The following KCNC1 variants were observed in gnomAD, a reference collection of about 807,000 sequenced individuals.
KCNC1 encodes the protein potassium voltage-gated channel subfamily C member 1.
In KCNC1, 8 loss-of-function variants were observed where a neutral mutation model predicts 43.4. The observed-to-expected ratio is 0.18, with a 90% CI of 0.11 to 0.33. KCNC1 has a LOEUF of 0.33. Among genes scored for constraint, KCNC1 ranks in the 10% least tolerant of loss-of-function variants. The pLI is 1.00. For synonymous variants in KCNC1, 361 were observed against 360.5 expected (o/e 1.00, Z -0.01); for missense variants, 420 against 836.0 (o/e 0.50, Z 6.14).
chr11:17,749,502 C>T (rs1343349120), intron 1 of KCNC1, among the ~76,000 whole-genome samples: 2 of 152,216 alleles, frequency 1.3e-5, no homozygotes, highest in Non-Finnish European at 2.9e-5. Context: ...ACATGACTTC[C>T]GTGGGCCTCA....
chr11:17,761,234 G>A (rs1010509088), intron 1 of KCNC1, among the ~76,000 whole-genome samples: 2 of 152,338 alleles, frequency 1.3e-5, no homozygotes, highest in East Asian at 1.9e-4. Context: ...CCCTTAACAG[G>A]CAAGTGGTAG....
chr11:17,739,722 G>A lies in KCNC1; in HGVS notation c.570+3150G>A, dbSNP rs992607729. 2.6e-5 allele frequency among the ~76,000 whole-genome samples: 4 copies of A among 151,646 alleles called. No individual in the cohort carries two copies. Among genetic ancestry groups the A allele is most frequent in the African/African-American group, 9.7e-5 (4 of 41,288 alleles). Reference sequence around the variant, plus strand: ...GTGTGTACATGCGTGTACACATAAGGCAGGAGGCTGTGTGGGGTGGGGGTC... The same window carrying A: ...GTGTGTACATGCGTGTACACATAAGACAGGAGGCTGTGTGGGGTGGGGGTC... On this transcript the variant is annotated intron_variant, in intron 1 of 3. Transcript: ENST00000265969. The surrounding 1 kb of genome is among the most constrained non-coding windows in gnomAD (Gnocchi z 4.2).
chr11:17,760,863 C>G (rs888653054), intron 1 of KCNC1, among the ~76,000 whole-genome samples: 2 of 152,222 alleles, frequency 1.3e-5, no homozygotes, highest in East Asian at 1.9e-4. Context: ...TGGGCTGGCA[C>G]GAGGTTTAAA....
In KCNC1 at chr11:17,779,399, C is replaced by T. The variant is rs1232460568; in HGVS notation, c.1505-57C>T. The T allele has an allele frequency of 5.8e-6, 8 of 1,371,046 alleles. No homozygotes were observed. The highest frequency in any genetic ancestry group is 3.0e-5 in the African/African-American group (2 of 66,874). 84.9% of individuals were successfully genotyped at this position (1,371,046 alleles called of 1,614,324 possible). A position where few individuals can be genotyped will look rare whatever the true frequency, so the allele number is the denominator to read the frequency against. Reference sequence around the variant, plus strand: ...TACCCCGCTTCTGGCCTGTCCCCCCCTGCCCCCCACTAAACAGTTTTCAGT... The same window carrying T: ...TACCCCGCTTCTGGCCTGTCCCCCCTTGCCCCCCACTAAACAGTTTTCAGT... On this transcript the variant is annotated intron_variant, in intron 2 of 3. Transcript: ENST00000265969. This position sits in a 1 kb window ranked among gnomAD's most constrained non-coding sequence, Gnocchi z 7.2.
chr11:17,781,827 T>C lies in KCNC1; in HGVS notation c.*93T>C. 1 of 903,696 alleles carries C rather than the reference T, an allele frequency of 1.1e-6. No homozygotes were observed. Among genetic ancestry groups the C allele is most frequent in the Non-Finnish European group, 1.8e-6 (1 of 567,172 alleles). The allele number at this position is 903,696 out of a possible 1,614,324, so 56.0% of individuals were successfully genotyped here. ...CCTCGGACAGAGTAAATTCACGCCA[T>C]GCAGGTTTGCCGGACGAGTCCGAGT... is the stretch of plus-strand genomic sequence containing the variant. On this transcript the variant is annotated 3_prime_UTR_variant, in exon 4 of 4. Coordinates refer to ENST00000265969, the MANE Select transcript of KCNC1 (RefSeq NM_001112741.2). This position sits in a 1 kb window ranked among gnomAD's most constrained non-coding sequence, Gnocchi z 5.1.
intron 1 of KCNC1, among the ~76,000 whole-genome samples, chr11:17,768,917 C>T (rs1849189952): frequency 1.3e-5 from 2 of 152,224 alleles, no homozygotes; most frequent in South Asian, 4.1e-4. Context: ...TGTGTTTTAG[C>T]TCCAAGAGCC....
intron 2 of KCNC1, among the ~76,000 whole-genome samples, chr11:17,778,717 G>A (rs1044059829): frequency 3.5e-4 from 53 of 152,252 alleles, no homozygotes; most frequent in African/African-American, 1.2e-3. Context: ...ATGGGGGGTC[G>A]GGGCATAGAG....
In KCNC1 at chr11:17,736,206, G is replaced by A. The variant is rs1174794886; in HGVS notation, c.204G>A (p.Leu68=). Residue 68 remains leucine, a synonymous_variant, in exon 1 of 4, where the codon CTG becomes CTA. Transcript: ENST00000265969. The surrounding 1 kb of genome is among the most constrained non-coding windows in gnomAD (Gnocchi z 9.3). ...ACCCCGGCGTCTTCGCGCACATCCT[G>A]AACTACTACCGCACGGGCAAGCTGC... The part of the protein sequence containing the change: ...DRHPGVFAHI[L]NYYRTGKLHC... 6.2e-7 allele frequency: 1 copy of A among 1,613,736 alleles called. No individual in the cohort carries two copies. Among genetic ancestry groups the A allele is most frequent in the African/African-American group, 1.3e-5 (1 of 74,930 alleles).
At chr11:17,769,295 G>A (rs1849194472) in intron 1 of KCNC1, among the ~76,000 whole-genome samples, 1 of 152,026 alleles carries the variant, frequency 6.6e-6, no homozygotes, top group African/African-American at 2.4e-5. Flanking sequence ...GTGAGGAATG[G>A]ATGGATGGGT....
At chr11:17,774,598 T>C in intron 2 of KCNC1, 4 of 985,552 alleles carry the variant, frequency 4.1e-6, no homozygotes, top group Non-Finnish European at 4.8e-6. Flanking sequence ...GTAAAACCCA[T>C]GCACTCCTGT....
chr11:17,772,906 G>A, intron 2 of KCNC1: 1 of 1,239,954 alleles, frequency 8.1e-7, no homozygotes, highest in South Asian at 2.6e-5. Flanking sequence ...GAGCCAGGGG[G>A]GCTCTGCTTG....
At chr11:17,755,406 C>A (rs979484832) in intron 1 of KCNC1, among the ~76,000 whole-genome samples, 2 of 152,074 alleles carry the variant, frequency 1.3e-5, no homozygotes, top group African/African-American at 4.8e-5. Context: ...ACAGTCCTAG[C>A]GCACCAGGAA....
chr11:17,771,369 T>A lies in KCNC1; in HGVS notation c.571-296T>A, dbSNP rs1319855347. Among the ~76,000 whole-genome samples, 1 of 152,260 alleles carries A rather than the reference T, an allele frequency of 6.6e-6. No individual in the cohort carries two copies. The highest frequency in any genetic ancestry group is 1.5e-5 in the Non-Finnish European group (1 of 68,048). On this transcript the variant is annotated intron_variant, in intron 1 of 3. Transcript: ENST00000265969. The surrounding 1 kb of genome is among the most constrained non-coding windows in gnomAD (Gnocchi z 4.7). ...TCAATGTGGGTATGTGGCTGATGTC[T>A]TTCTTTTCAGGGACCCAGGCTCCTT... is the stretch of plus-strand genomic sequence containing the variant.
In KCNC1 at chr11:17,739,615, G is replaced by A. The variant is rs1459119229; in HGVS notation, c.570+3043G>A. On this transcript the variant is annotated intron_variant, in intron 1 of 3. Coordinates refer to ENST00000265969, the MANE Select transcript of KCNC1 (RefSeq NM_001112741.2). The surrounding 1 kb of genome is among the most constrained non-coding windows in gnomAD (Gnocchi z 4.2). ...AGAGTCGAGGTGAGTGTGTCTGCGT[G>A]AGTGTGTGGCTGTGTGTGGCAAGTG... is the stretch of plus-strand genomic sequence containing the variant. 1.3e-5 allele frequency among the ~76,000 whole-genome samples: 2 copies of A among 151,356 alleles called. No individual in the cohort carries two copies. Among genetic ancestry groups the A allele is most frequent in the African/African-American group, 2.4e-5 (1 of 41,088 alleles).
intron 1 of KCNC1, among the ~76,000 whole-genome samples, chr11:17,762,281 C>T (rs1849086284): frequency 6.6e-6 from 1 of 152,214 alleles, no homozygotes; most frequent in Admixed American, 6.5e-5. Flanking sequence ...CCCAGCTCAG[C>T]AGTTCCCGTT....
chr11:17,754,533 C>G (rs998384393), intron 1 of KCNC1, among the ~76,000 whole-genome samples: 2 of 152,198 alleles, frequency 1.3e-5, no homozygotes, highest in African/African-American at 4.8e-5. Flanking sequence ...GGGAGTAAAC[C>G]ATTGTGCCCA....
chr11:17,749,601 C>T (rs1225646837), intron 1 of KCNC1, among the ~76,000 whole-genome samples: 1 of 152,238 alleles, frequency 6.6e-6, no homozygotes, highest in Admixed American at 6.5e-5. Context: ...GTTTGATGCT[C>T]AGCCTCAGGG....
Position 17,742,985 on chromosome 11 carries a change from C to T in KCNC1, c.570+6413C>T, listed in dbSNP as rs1044992200. Among the ~76,000 whole-genome samples, 1 of 152,206 alleles carries T rather than the reference C, an allele frequency of 6.6e-6. No individual in the cohort carries two copies. On this transcript the variant is annotated intron_variant, in intron 1 of 3. Coordinates refer to ENST00000265969, the MANE Select transcript of KCNC1 (RefSeq NM_001112741.2). The surrounding 1 kb of genome is among the most constrained non-coding windows in gnomAD (Gnocchi z 4.2). Reference sequence around the variant, plus strand: ...GGCACAGCTGATTGAGACCTTCTCACGTCAGCCAACCCAGACTTGACCCAA... The same window carrying T: ...GGCACAGCTGATTGAGACCTTCTCATGTCAGCCAACCCAGACTTGACCCAA...
chr11:17,755,129 G>T (rs1849010257), intron 1 of KCNC1, among the ~76,000 whole-genome samples: 1 of 152,180 alleles, frequency 6.6e-6, no homozygotes, highest in South Asian at 2.1e-4. Flanking sequence ...CCTGGGGAAA[G>T]GCGTTCTAGG....
Sources: allele counts gnomAD v4.1 joint callset (sites outside exome capture counted in the v4.1 genomes callset), GRCh38; gene constraint gnomAD v4.1.1; non-coding constraint Gnocchi (gnomAD v3.1); transcripts MANE v1.5; gene names NCBI Gene and HGNC (gene_info 2026-07-23, HGNC 2026-07-21).